The following NRXN1 variants were observed in gnomAD, a reference collection of about 807,000 sequenced individuals.
NRXN1 encodes neurexin 1.
A neutral mutation model predicts 150.9 loss-of-function variants in NRXN1; 39 were observed. That is an observed-to-expected ratio of 0.26 (90% CI 0.20 to 0.34). The LOEUF (loss-of-function observed/expected upper bound fraction) is 0.34. NRXN1 is among the 10% of genes least tolerant of loss of function. NRXN1 has a pLI of 1.00. For synonymous variants in NRXN1, 924 were observed against 757.0 expected, an observed-to-expected ratio of 1.22 and a Z score of -3.62; for missense variants, 1,815 against 1,949.9, an observed-to-expected ratio of 0.93 and a Z score of 1.30.
intron 5 of NRXN1, among the ~76,000 whole-genome samples, chr2:50,664,993 T>C (rs1157735386): frequency 6.6e-6 from 1 of 152,000 alleles, no homozygotes; most frequent in Admixed American, 6.6e-5. Context: ...CATGTTAAAC[T>C]TTACAGTATC....
At chr2:50,502,168 A>G (rs530325953) in intron 13 of NRXN1, among the ~76,000 whole-genome samples, 1 of 152,168 alleles carries the variant, frequency 6.6e-6, no homozygotes, top group African/African-American at 2.4e-5. Context: ...GGCTTTCATG[A>G]GATCTCTGAC....
intron 17 of NRXN1, among the ~76,000 whole-genome samples, chr2:50,341,023 A>C (rs954479267): frequency 3.3e-5 from 5 of 152,176 alleles, no homozygotes; most frequent in Non-Finnish European, 5.9e-5. Flanking sequence ...CATACAGTAT[A>C]CAGGTGAGAG....
chr2:49,924,448 T>C (rs557215159), intron 22 of NRXN1, among the ~76,000 whole-genome samples: 4 of 151,370 alleles, frequency 2.6e-5, no homozygotes, highest in Non-Finnish European at 5.9e-5. Flanking sequence ...AAATGGACTA[T>C]CTTATCAAAA....
At chr2:50,422,612 T>C (rs73934105) in intron 17 of NRXN1, among the ~76,000 whole-genome samples, 27,037 of 152,066 alleles carry the variant, frequency 0.18, 3,121 homozygotes, top group East Asian at 0.53. Flanking sequence ...CTAGATTTTG[T>C]ATTGAATACA....
chr2:49,964,447 G>A (rs1377422871), intron 21 of NRXN1, among the ~76,000 whole-genome samples: 1 of 151,840 alleles, frequency 6.6e-6, no homozygotes, highest in East Asian at 1.9e-4. Flanking sequence ...GGGTGTGGTG[G>A]CGCACACCTG....
chr2:50,781,536 T>C (rs1484976980), intron 5 of NRXN1, among the ~76,000 whole-genome samples: 1 of 152,170 alleles, frequency 6.6e-6, no homozygotes, highest in Non-Finnish European at 1.5e-5. Context: ...GCACTCAAAC[T>C]TGGTTCCAAA....
intron 18 of NRXN1, among the ~76,000 whole-genome samples, chr2:50,156,239 G>A (rs945465032): frequency 1.1e-4 from 16 of 151,778 alleles, no homozygotes; most frequent in African/African-American, 3.9e-4. Flanking sequence ...TGAAAATACA[G>A]AGTAAAGGGA....
At chr2:50,466,065 G>T (rs911745070) in intron 16 of NRXN1, among the ~76,000 whole-genome samples, 7 of 141,246 alleles carry the variant, frequency 5.0e-5, no homozygotes, top group Non-Finnish European at 1.1e-4. Context: ...GAATAGGTAT[G>T]TTGGCAAGTA....
intron 5 of NRXN1, among the ~76,000 whole-genome samples, chr2:50,896,589 G>A (rs895476181): frequency 6.6e-6 from 1 of 152,186 alleles, no homozygotes; most frequent in African/African-American, 2.4e-5. Flanking sequence ...GCTCACACCT[G>A]TAATCCCAGC....
chr2:50,740,781 G>T (rs1699333578), intron 5 of NRXN1, among the ~76,000 whole-genome samples: 1 of 152,080 alleles, frequency 6.6e-6, no homozygotes, highest in African/African-American at 2.4e-5. Context: ...AAGGAGGAAG[G>T]ATGAGGCAAA....
chr2:49,980,476 T>TA (rs1300786958), intron 21 of NRXN1, among the ~76,000 whole-genome samples: 2 of 152,168 alleles, frequency 1.3e-5, no homozygotes, highest in African/African-American at 2.4e-5. Flanking sequence ...AGTAGTTTTT[T>TA]ACCAAGAGAG....
chr2:50,939,700 A>G lies in NRXN1; in HGVS notation c.773-13745T>C, dbSNP rs187629481. ...CATGGTACCTAACACGTAAATACTA[A>G]ACTAAAATAAAGCTCCCTCTAATTA... On this transcript the variant is annotated intron_variant, in intron 2 of 22. Transcript: ENST00000401669. 2.8e-4 allele frequency among the ~76,000 whole-genome samples: 43 copies of G among 152,302 alleles called. 1 individual carries two copies. Among genetic ancestry groups the G allele is most frequent in the African/African-American group, 1.0e-3 (42 of 41,564 alleles).
chr2:50,377,750 A>T (rs537863542), intron 17 of NRXN1, among the ~76,000 whole-genome samples: 1 of 152,314 alleles, frequency 6.6e-6, no homozygotes, highest in African/African-American at 2.4e-5. Flanking sequence ...TTGTAAGTCA[A>T]TAAATGGTGA....
At chr2:51,019,540 T>G (rs749148014) in intron 2 of NRXN1, among the ~76,000 whole-genome samples, 3 of 152,118 alleles carry the variant, frequency 2.0e-5, no homozygotes, top group African/African-American at 7.2e-5. Context: ...GGGAAAATCA[T>G]GTATATTTGC....
In NRXN1 at chr2:50,853,448, G is replaced by A. The variant is rs1056565486; in HGVS notation, c.832+68421C>T. On this transcript the variant is annotated intron_variant, in intron 5 of 22. Coordinates refer to ENST00000401669, the MANE Select transcript of NRXN1 (RefSeq NM_001330078.2). ...GTCACAAGTTTCATTTAAGTTGTGC[G>A]TTTTACTTGCAAATTTACAAAGTGA... Among the ~76,000 whole-genome samples the A allele has an allele frequency of 4.6e-5, 7 of 152,024 alleles. No homozygotes were observed. In the South Asian group the frequency reaches 6.2e-4, roughly 14 times the overall value.
rs146817694 is a variant in NRXN1 at position 50,112,637 on chromosome 2, T to A, written c.3547-21143A>T. ...GATTCCATGAGGGTGCAAGGGCTGTTTCATGGCTTTGGTATGCAGTGTAAG... is the reference window on the plus strand; with the variant it reads ...GATTCCATGAGGGTGCAAGGGCTGTATCATGGCTTTGGTATGCAGTGTAAG... On this transcript the variant is annotated intron_variant, in intron 18 of 22. Coordinates refer to ENST00000401669, the MANE Select transcript of NRXN1 (RefSeq NM_001330078.2). Among the ~76,000 whole-genome samples, 832 of 152,306 alleles carry A rather than the reference T, an allele frequency of 5.5e-3. 6 individuals are homozygous for A. The highest frequency in any genetic ancestry group is 7.5e-3 in the Non-Finnish European group (513 of 68,028).
At chr2:49,939,929 A>G (rs1310434492) in intron 22 of NRXN1, among the ~76,000 whole-genome samples, 1 of 152,200 alleles carries the variant, frequency 6.6e-6, no homozygotes, top group East Asian at 1.9e-4. Flanking sequence ...CCTGTTCATT[A>G]AGAGTTCTGA....
chr2:50,025,064 G>A lies in NRXN1; in HGVS notation c.4128+28207C>T, dbSNP rs142112240. Among the ~76,000 whole-genome samples the A allele has an allele frequency of 4.4e-3, 676 of 152,288 alleles. 1 individual carries two copies. The highest frequency in any genetic ancestry group is 6.9e-3 in the Non-Finnish European group (471 of 68,028). ...CAAACACTGCACTAGATACTGTGAA[G>A]AGATACGCAATAGCTGACAAGACAC... On this transcript the variant is annotated intron_variant, in intron 21 of 22. Transcript: ENST00000401669.
intron 17 of NRXN1, among the ~76,000 whole-genome samples, chr2:50,451,636 AAAGAGAAGAATG>A (rs1403628897): frequency 6.6e-6 from 1 of 152,228 alleles, no homozygotes. Context: ...AAAACATTTG[AAAGAGAAGAATG>A]CAGATAACTC....
Sources: allele counts gnomAD v4.1 joint callset (sites outside exome capture counted in the v4.1 genomes callset), GRCh38; gene constraint gnomAD v4.1.1; transcripts MANE v1.5; gene names NCBI Gene and HGNC (gene_info 2026-07-23, HGNC 2026-07-21).